FGL1: variants seen among roughly 807,000 people sequenced by gnomAD.
FGL1 encodes the protein fibrinogen like 1, also known as fibrinogen-like protein 1.
Under a neutral mutation model 43.7 loss-of-function variants are expected in FGL1, and 59 were observed. That is an observed-to-expected ratio of 1.35 (90% CI 1.10 to 1.68). FGL1 has a LOEUF of 1.68. Ranked by LOEUF, FGL1 falls within the 40% of genes most tolerant of loss-of-function variation. FGL1 has a pLI of 0.00. For missense variants in FGL1, 596 were observed against 373.0 expected (o/e 1.60, Z -4.92); for synonymous variants, 192 against 126.5 (o/e 1.52, Z -3.48).
intron 1 of FGL1, among the ~76,000 whole-genome samples, chr8:17,887,538 C>T (rs2053646815): frequency 6.6e-6 from 1 of 152,174 alleles, no homozygotes; most frequent in Admixed American, 6.5e-5. Context: ...AACCCTTTCA[C>T]CCAACACTGT....
rs2053547671 is a variant in FGL1, at chr8:17,882,195, G to C, written c.64-16C>G. The C allele has an allele frequency of 1.2e-6, 2 of 1,608,764 alleles. No homozygotes were observed. The highest frequency in any genetic ancestry group is 2.7e-5 in the African/African-American group (2 of 74,712). ...CCTCGAGCGCCTGCAAAACAGGTGA[G>C]ATGAGATGAGTATGCACCTCATTTT... On this transcript the variant is annotated splice_polypyrimidine_tract_variant and intron_variant, in intron 2 of 7. Transcript: ENST00000427924.
chr8:17,890,462 A>T (rs1004608525), intron 1 of FGL1, among the ~76,000 whole-genome samples: 4 of 152,078 alleles, frequency 2.6e-5, no homozygotes, highest in African/African-American at 9.7e-5. Context: ...TCTCAGGGCG[A>T]TTGCACTTGC....
chr8:17,871,821 GC>G (rs1422137415), intron 5 of FGL1, among the ~76,000 whole-genome samples: 1 of 152,170 alleles, frequency 6.6e-6, no homozygotes, highest in East Asian at 1.9e-4. Context: ...AGATTAGCCA[GC>G]CTGAGTACCA....
chr8:17,880,665 A>G (rs541459105), intron 3 of FGL1, among the ~76,000 whole-genome samples: 1 of 152,336 alleles, frequency 6.6e-6, no homozygotes, highest in African/African-American at 2.4e-5. Flanking sequence ...ATTGACCTCA[A>G]TAGACTCATA....
chr8:17,882,046 C>T lies in FGL1; in HGVS notation c.197G>A (p.Gly66Glu), dbSNP rs1205635633. 1.9e-6 allele frequency: 3 copies of T among 1,613,888 alleles called. No homozygotes were observed. Among genetic ancestry groups the T allele is most frequent in the East Asian group, 2.2e-5 (1 of 44,876 alleles). The stretch of plus-strand genomic sequence containing the variant: ...AAGATCAATGACAGTATTCTCATCT[C>T]CTTTATCAAGGAACTGGACTTCATT... ...QENEVQFLDK[G>E]DENTVIDLGS... Residue 66 changes from glycine to glutamate, a missense_variant, in exon 3 of 8, where the codon GGA becomes GAA. By Grantham distance (98) the Gly-to-Glu change is moderately conservative. Coordinates refer to ENST00000427924, the MANE Select transcript of FGL1 (RefSeq NM_004467.4).
chr8:17,873,262 A>C (rs1317018705), intron 5 of FGL1, among the ~76,000 whole-genome samples: 1 of 152,176 alleles, frequency 6.6e-6, no homozygotes, highest in East Asian at 1.9e-4. Context: ...CCTAGATCTC[A>C]AGAGACTTAT....
At chr8:17,872,134 A>C (rs2053372509) in intron 5 of FGL1, among the ~76,000 whole-genome samples, 1 of 152,128 alleles carries the variant, frequency 6.6e-6, no homozygotes, top group South Asian at 2.1e-4. Context: ...TAAGAAGGAC[A>C]TACAAAGAAA....
At chr8:17,874,286 G>C (rs1012735089) in intron 4 of FGL1, 76 bp downstream of exon 4, 22 of 1,494,762 alleles carry the variant, frequency 1.5e-5, no homozygotes, top group Non-Finnish European at 1.9e-5. Context: ...TAGGCTTCAG[G>C]ATATGATCAA....
intron 1 of FGL1, among the ~76,000 whole-genome samples, chr8:17,887,468 C>T (rs952149041): frequency 6.6e-6 from 1 of 152,196 alleles, no homozygotes; most frequent in African/African-American, 2.4e-5. Flanking sequence ...AAGAGAAACA[C>T]CAAATTTCTG....
At chr8:17,892,216 C>A (rs2053715344) in intron 1 of FGL1, among the ~76,000 whole-genome samples, 1 of 151,946 alleles carries the variant, frequency 6.6e-6, no homozygotes, top group African/African-American at 2.4e-5. Flanking sequence ...ATGCAAATGG[C>A]AATTTCTTAA....
At chr8:17,875,543 T>TCTC (rs1563452419) in intron 3 of FGL1, among the ~76,000 whole-genome samples, 3 of 16,826 alleles carry the variant, frequency 1.8e-4, no homozygotes, top group Admixed American at 5.0e-4. Flanking sequence ...TTCTCTTTCT[T>TCTC]TCTTTCTTTC....
chr8:17,879,969 C>T (rs543205944), intron 3 of FGL1, among the ~76,000 whole-genome samples: 1 of 152,284 alleles, frequency 6.6e-6, no homozygotes, highest in African/African-American at 2.4e-5. Flanking sequence ...AATGATGATC[C>T]ACTGGCATCT....
At chr8:17,878,864 T>A (rs1419627549) in intron 3 of FGL1, among the ~76,000 whole-genome samples, 1 of 151,488 alleles carries the variant, frequency 6.6e-6, no homozygotes, top group African/African-American at 2.4e-5. Context: ...ACATAAACTT[T>A]GAGGTGAACA....
intron 1 of FGL1, among the ~76,000 whole-genome samples, chr8:17,892,702 T>C (rs181977879): frequency 6.6e-6 from 1 of 152,300 alleles, no homozygotes; most frequent in African/African-American, 2.4e-5. Context: ...CCTCTTTTTT[T>C]ATGTGACAGG....
chr8:17,864,460 G>T lies in FGL1; in HGVS notation c.*132C>A. 1 of 920,190 alleles carries T rather than the reference G, an allele frequency of 1.1e-6. No homozygotes were observed. Among genetic ancestry groups the T allele is most frequent in the Non-Finnish European group, 1.6e-6 (1 of 632,376 alleles). 57.0% of individuals were successfully genotyped at this position (920,190 alleles called of 1,614,324 possible). Reference sequence around the variant, plus strand: ...TACTGAAAGCACATTAAGTAACAAAGGCAAGTGAGAAGAATGAAAAGCACT... The same window carrying T: ...TACTGAAAGCACATTAAGTAACAAATGCAAGTGAGAAGAATGAAAAGCACT... On this transcript the variant is annotated 3_prime_UTR_variant, in exon 8 of 8. Transcript: ENST00000427924.
Position 17,885,581 on chromosome 8 carries a change from C to G in FGL1, c.-17-10G>C. ...TTCCCCCTTGAAAAAACTGCAAGAA[C>G]AAAAAGAATTTTATAAATGTATCAA... On this transcript the variant is annotated splice_polypyrimidine_tract_variant and intron_variant, in intron 1 of 7. Coordinates refer to ENST00000427924, the MANE Select transcript of FGL1 (RefSeq NM_004467.4). The G allele has an allele frequency of 2.5e-6, 4 of 1,610,116 alleles. No homozygotes were observed. The highest frequency in any genetic ancestry group is 3.4e-6 in the Non-Finnish European group (4 of 1,178,042).
At position 17,868,960 on chromosome 8, in the gene FGL1, T is replaced by G. The variant is rs773643114; in HGVS notation, c.547A>C (p.Ser183Arg). The G allele has an allele frequency of 1.0e-4, 164 of 1,606,346 alleles. No individual in the cohort carries two copies. The highest frequency in any genetic ancestry group is 1.3e-4 in the Non-Finnish European group (156 of 1,177,686). Residue 183 changes from serine (S) to arginine (R), a missense_variant, in exon 6 of 8, where the codon AGC (serine) becomes CGC (arginine). By Grantham distance (110) the Ser-to-Arg change is moderately radical (BLOSUM62 -1). Coordinates refer to ENST00000427924, the MANE Select transcript of FGL1 (RefSeq NM_004467.4). ...KIDLADFEKN[S>R]RYAQYKNFKV... is the part of the protein sequence containing the mutation. The stretch of plus-strand genomic sequence containing the variant: ...AAATTCTTATATTGTGCATAACGGC[T>G]ATTTTTTTCAAAATCTGCAAGGTCG...
intron 3 of FGL1, among the ~76,000 whole-genome samples, chr8:17,875,555 T>TTCTTTCTTTCTTTCTCTC (rs2053441041): frequency 1.2e-4 from 2 of 17,270 alleles, no homozygotes; most frequent in African/African-American, 2.9e-4. Flanking sequence ...CTTTCTTTCT[T>TTCTTTCTTTCTTTCTCTC]TCTTTCTTTC....
chr8:17,880,005 C>A (rs2053510986), intron 3 of FGL1, among the ~76,000 whole-genome samples: 1 of 152,184 alleles, frequency 6.6e-6, no homozygotes, highest in African/African-American at 2.4e-5. Flanking sequence ...TTGAGATCAG[C>A]TTTGTATGTT....
Sources: allele counts gnomAD v4.1 joint callset (sites outside exome capture counted in the v4.1 genomes callset), GRCh38; gene constraint gnomAD v4.1.1; transcripts MANE v1.5; gene names NCBI Gene and HGNC (gene_info 2026-07-23, HGNC 2026-07-21).